Variants in FIP1L1 observed in about 807,000 individuals in gnomAD.
FIP1L1 encodes the protein factor interacting with PAPOLA and CPSF1.
A neutral mutation model predicts 84.6 loss-of-function variants in FIP1L1; 21 were observed. That is an observed-to-expected ratio of 0.25 (90% CI 0.18 to 0.36). The LOEUF (loss-of-function observed/expected upper bound fraction) is 0.36. Ranked by LOEUF, FIP1L1 falls within the 10% of genes least tolerant of loss-of-function variation. The pLI is 1.00. For missense variants in FIP1L1, 526 were observed against 751.1 expected, an observed-to-expected ratio of 0.70 and a Z score of 3.50; for synonymous variants, 263 against 242.3, an observed-to-expected ratio of 1.09 and a Z score of -0.80.
At chr4:53,391,371 A>G in intron 8 of FIP1L1, 59 bp from the exon 9 acceptor site, 7 of 1,426,986 alleles carry the variant, frequency 4.9e-6, no homozygotes, top group Non-Finnish European at 6.9e-6. Flanking sequence ...TTGTCTTTAT[A>G]TGGCCTATTA....
chr4:53,409,830 T>A (rs1419579434), intron 10 of FIP1L1, among the ~76,000 whole-genome samples: 3 of 152,224 alleles, frequency 2.0e-5, no homozygotes, highest in Non-Finnish European at 2.9e-5. Flanking sequence ...CGCCGTTTTT[T>A]AAGCCCATTG....
intron 15 of FIP1L1, among the ~76,000 whole-genome samples, chr4:53,450,327 GT>G: frequency 6.6e-6 from 1 of 152,152 alleles, no homozygotes; most frequent in South Asian, 2.1e-4. Context: ...AAATGGTTAG[GT>G]ATTATTTTCT....
intron 11 of FIP1L1, among the ~76,000 whole-genome samples, chr4:53,420,293 G>A (rs572125108): frequency 1.1e-4 from 17 of 150,484 alleles, no homozygotes; most frequent in African/African-American, 3.2e-4. Flanking sequence ...ATAGCTGGGC[G>A]TGGTAGCATG....
At chr4:53,399,894 T>C (rs914534334) in intron 10 of FIP1L1, 55 bp downstream of exon 10, 6 of 1,164,100 alleles carry the variant, frequency 5.2e-6, no homozygotes, top group African/African-American at 4.6e-5. Flanking sequence ...CTTTACATTG[T>C]ATTTGTGCTA....
intron 11 of FIP1L1, among the ~76,000 whole-genome samples, chr4:53,419,907 G>A (rs1761432962): frequency 6.6e-6 from 1 of 152,016 alleles, no homozygotes; most frequent in Non-Finnish European, 1.5e-5. Context: ...GAGGTCGGGA[G>A]TTCAAGACCA....
At chr4:53,396,155 G>T (rs1239324203) in intron 9 of FIP1L1, among the ~76,000 whole-genome samples, 1 of 152,114 alleles carries the variant, frequency 6.6e-6, no homozygotes, top group Non-Finnish European at 1.5e-5. Flanking sequence ...CTGACCTCAG[G>T]TGATCCACCC....
At chr4:53,421,412 T>C (rs1367999772) in intron 11 of FIP1L1, among the ~76,000 whole-genome samples, 3 of 152,220 alleles carry the variant, frequency 2.0e-5, no homozygotes, top group African/African-American at 7.2e-5. Flanking sequence ...CTTTTCTCTA[T>C]GCTCATAGTT....
At chr4:53,383,679 A>G in intron 4 of FIP1L1, 94 bp from the exon 5 acceptor site, 1 of 1,287,932 alleles carries the variant, frequency 7.8e-7, no homozygotes, top group Middle Eastern at 2.0e-4. Flanking sequence ...AAGAAAGAAA[A>G]AAAAAAACAG....
Position 53,381,753 on chromosome 4 carries a change from C to CTTTTTTTTTTT in FIP1L1, c.171-511_171-501dup, listed in dbSNP as rs531488760. Among the ~76,000 whole-genome samples the CTTTTTTTTTTT allele has an allele frequency of 2.0e-3, 175 of 87,932 alleles. 27 individuals carry two copies. Among genetic ancestry groups the CTTTTTTTTTTT allele is most frequent in the African/African-American group, 7.7e-3 (139 of 18,024 alleles). The allele number at this position is 87,932 out of a possible 152,430, so 57.7% of individuals were successfully genotyped here. ...AATAAACTGTGAAGGCATTTGCATT[C>CTTTTTTTTTTT]TTTTTTTTTTTTTTTTTTTTTTTTG... On this transcript the variant is annotated intron_variant, in intron 3 of 17. Coordinates refer to ENST00000337488, the MANE Select transcript of FIP1L1 (RefSeq NM_030917.4).
intron 13 of FIP1L1, chr4:53,442,204 TTTTA>T (rs1163325562): frequency 1.3e-5 from 2 of 154,992 alleles, no homozygotes; most frequent in African/African-American, 4.8e-5. Flanking sequence ...ACTGGTAAGA[TTTTA>T]TTTATAAATT....
At chr4:53,389,433 T>G (rs1742935967) in intron 5 of FIP1L1, among the ~76,000 whole-genome samples, 1 of 142,128 alleles carries the variant, frequency 7.0e-6, no homozygotes, top group Non-Finnish European at 1.5e-5. Context: ...CAAAAAGGTT[T>G]TTGAAATGGA....
At chr4:53,402,021 G>A (rs1422500199) in intron 10 of FIP1L1, among the ~76,000 whole-genome samples, 1 of 152,166 alleles carries the variant, frequency 6.6e-6, no homozygotes, top group African/African-American at 2.4e-5. Context: ...GGATTAACTA[G>A]TAAGAGGAGA....
intron 13 of FIP1L1, among the ~76,000 whole-genome samples, chr4:53,439,432 C>T (rs1033013893): frequency 7.2e-5 from 11 of 151,998 alleles, no homozygotes; most frequent in African/African-American, 2.7e-4. Flanking sequence ...AGGCCATTTG[C>T]TACCTTAAGA....
chr4:53,440,188 G>A (rs1490748883), intron 13 of FIP1L1, among the ~76,000 whole-genome samples: 2 of 152,024 alleles, frequency 1.3e-5, no homozygotes, highest in East Asian at 3.8e-4. Flanking sequence ...TGTACTACCT[G>A]CAGTATTAGA....
chr4:53,437,305 A>T (rs928417103), intron 13 of FIP1L1, among the ~76,000 whole-genome samples: 1 of 137,638 alleles, frequency 7.3e-6, no homozygotes, highest in East Asian at 2.3e-4. Context: ...CCTACACAAC[A>T]GTGTGAGACC....
At chr4:53,393,503 CT>C (rs1368104714) in intron 9 of FIP1L1, among the ~76,000 whole-genome samples, 2 of 152,062 alleles carry the variant, frequency 1.3e-5, no homozygotes, top group African/African-American at 4.8e-5. Context: ...TTTTGACATT[CT>C]TGAGGTAACA....
intron 16 of FIP1L1, 134 bp downstream of exon 16, chr4:53,453,267 A>G: frequency 1.0e-6 from 1 of 958,478 alleles, no homozygotes; most frequent in Non-Finnish European, 1.5e-6. Flanking sequence ...CCATCTTAAA[A>G]TGATAAAGGA....
chr4:53,412,954 C>G (rs76918540), intron 10 of FIP1L1, among the ~76,000 whole-genome samples: 1 of 152,064 alleles, frequency 6.6e-6, no homozygotes, highest in Non-Finnish European at 1.5e-5. Flanking sequence ...AATGAGCTTT[C>G]CCACTCCGCC....
At chr4:53,407,707 G>A (rs1425293529) in intron 10 of FIP1L1, among the ~76,000 whole-genome samples, 4 of 152,096 alleles carry the variant, frequency 2.6e-5, no homozygotes, top group Non-Finnish European at 5.9e-5. Flanking sequence ...ATTTAGGATA[G>A]TTAGCTCTTC....
Sources: gnomAD v4.1 joint callset for allele counts (sites outside exome capture counted in the v4.1 genomes callset) on GRCh38, gnomAD v4.1.1 for gene constraint, MANE v1.5 for transcripts, NCBI Gene and HGNC (gene_info 2026-07-23, HGNC 2026-07-21) for gene names.